The following GLDC variants were observed in gnomAD, a reference collection of about 807,000 sequenced individuals.
GLDC encodes glycine decarboxylase, also known as glycine dehydrogenase (decarboxylating), mitochondrial.
Under a neutral mutation model 121.3 loss-of-function variants are expected in GLDC, and 104 were observed. The ratio of observed to expected loss-of-function variants is 0.86; its 90% CI spans 0.73 to 1.01. The LOEUF is 1.01. Among genes scored for constraint, GLDC ranks in the 50% least tolerant of loss-of-function variants. The pLI is 0.00. For synonymous variants in GLDC, 546 were observed against 480.6 expected, an observed-to-expected ratio of 1.14 and a Z score of -1.78; for missense variants, 1,429 against 1,306.6, an observed-to-expected ratio of 1.09 and a Z score of -1.44.
intron 2 of GLDC, among the ~76,000 whole-genome samples, chr9:6,622,051 A>G (rs1234840486): frequency 1.3e-5 from 2 of 152,152 alleles, no homozygotes; most frequent in African/African-American, 2.4e-5. Flanking sequence ...CAAACTGGCA[A>G]GGAAGACACT....
At chr9:6,598,623 C>T (rs188489263) in intron 8 of GLDC, among the ~76,000 whole-genome samples, 1 of 152,202 alleles carries the variant, frequency 6.6e-6, no homozygotes, top group Admixed American at 6.5e-5. Flanking sequence ...CCTAACAAAA[C>T]AGGGAGACTT....
intron 15 of GLDC, among the ~76,000 whole-genome samples, chr9:6,582,646 G>A (rs1463307749): frequency 2.0e-5 from 3 of 151,984 alleles, no homozygotes; most frequent in South Asian, 2.1e-4. Context: ...TGGCTAACAC[G>A]GTGAAACCCT....
intron 21 of GLDC, among the ~76,000 whole-genome samples, chr9:6,544,959 C>T (rs1229615638): frequency 6.6e-6 from 1 of 152,022 alleles, no homozygotes; most frequent in Non-Finnish European, 1.5e-5. Flanking sequence ...GTTAGCCAGG[C>T]ATGGTGGTGC....
chr9:6,609,760 G>T (rs975661664), intron 4 of GLDC, among the ~76,000 whole-genome samples: 4 of 151,870 alleles, frequency 2.6e-5, no homozygotes, highest in Non-Finnish European at 5.9e-5. Context: ...TCACTGCCCT[G>T]CCTTGAGAGA....
At chr9:6,598,957 G>GTCA (rs1467812249) in intron 8 of GLDC, among the ~76,000 whole-genome samples, 5 of 152,122 alleles carry the variant, frequency 3.3e-5, no homozygotes. Flanking sequence ...AAGGCGGGCG[G>GTCA]ATCACCTGAG....
At position 6,629,148 on chromosome 9, in the gene GLDC, C is replaced by T. The variant is rs546727029; in HGVS notation, c.335-8829G>A. On this transcript the variant is annotated intron_variant, in intron 2 of 24. Transcript: ENST00000321612. Reference sequence around the variant, plus strand: ...TTTGCCACTGCGCCTAAAATAGCAACAGTTTTGCACTAACCACTGCATCAA... The same window carrying T: ...TTTGCCACTGCGCCTAAAATAGCAATAGTTTTGCACTAACCACTGCATCAA... 1.3e-4 allele frequency among the ~76,000 whole-genome samples: 20 copies of T among 151,942 alleles called. No homozygotes were observed. In the South Asian group the frequency reaches 4.0e-3, roughly 30 times the overall value.
At chr9:6,535,385 C>A (rs1195676003) in intron 23 of GLDC, among the ~76,000 whole-genome samples, 2 of 151,292 alleles carry the variant, frequency 1.3e-5, no homozygotes, top group Non-Finnish European at 2.9e-5. Context: ...GTGAACTCAC[C>A]TCTAGAGAGG....
chr9:6,540,104 T>C lies in GLDC; in HGVS notation c.2612A>G (p.Lys871Arg), dbSNP rs766244892. The C allele has an allele frequency of 5.8e-5, 94 of 1,613,456 alleles. No homozygotes were observed. Among genetic ancestry groups the C allele is most frequent in the Non-Finnish European group, 7.7e-5 (91 of 1,179,500 alleles). ...HEFILDTRPF[K>R]KSANIEAVDV... ...CACAGCCTCAATATTTGCAGACTTT[T>C]TGAAGGGTCTCGTGTCCAAAATAAA... is the stretch of plus-strand genomic sequence containing the variant. The change falls in exon 22 of 25, where the codon AAA becomes AGA. Residue 871 changes from lysine (K) to arginine (R), a missense_variant. Transcript: ENST00000321612.
chr9:6,626,285 TC>T (rs1246532706), intron 2 of GLDC, among the ~76,000 whole-genome samples: 1 of 152,032 alleles, frequency 6.6e-6, no homozygotes, highest in African/African-American at 2.4e-5. Context: ...AAGGCTAGGA[TC>T]CCAGGAAGGG....
chr9:6,624,064 T>C (rs1335356434), intron 2 of GLDC, among the ~76,000 whole-genome samples: 2 of 152,216 alleles, frequency 1.3e-5, no homozygotes, highest in East Asian at 3.8e-4. Context: ...CTGGATAGTA[T>C]GATTCTTTTT....
At chr9:6,634,223 T>C (rs930768854) in intron 2 of GLDC, among the ~76,000 whole-genome samples, 6 of 151,552 alleles carry the variant, frequency 4.0e-5, no homozygotes, top group African/African-American at 1.2e-4. Context: ...TAAGACTCTG[T>C]CTCAAAAAGA....
At chr9:6,636,821 T>C (rs2890722) in intron 2 of GLDC, among the ~76,000 whole-genome samples, 92,092 of 151,924 alleles carry the variant, frequency 0.61, 29,558 homozygotes, top group African/African-American at 0.81. Context: ...CAGTGGCTCA[T>C]GACTGTAATC....
At chr9:6,643,070 G>C (rs1014341516) in intron 2 of GLDC, among the ~76,000 whole-genome samples, 15 of 151,876 alleles carry the variant, frequency 9.9e-5, no homozygotes, top group Admixed American at 5.9e-4. Flanking sequence ...GCTAATTTTT[G>C]TATTTTTTGT....
chr9:6,609,557 C>A (rs1228423501), intron 4 of GLDC, among the ~76,000 whole-genome samples: 14 of 152,044 alleles, frequency 9.2e-5, no homozygotes, highest in Admixed American at 8.5e-4. Context: ...GGCACTCAGT[C>A]ATGTGTGTGT....
chr9:6,550,061 T>G (rs1817479866), intron 21 of GLDC, among the ~76,000 whole-genome samples: 1 of 152,206 alleles, frequency 6.6e-6, no homozygotes, highest in Non-Finnish European at 1.5e-5. Context: ...CTCCTGTGTC[T>G]CTGCTTACTC....
chr9:6,594,149 T>C (rs1411777669), intron 9 of GLDC, among the ~76,000 whole-genome samples: 1 of 152,176 alleles, frequency 6.6e-6, no homozygotes, highest in African/African-American at 2.4e-5. Context: ...ATTCTTCTGA[T>C]TGCCAATGTA....
At chr9:6,641,612 T>G (rs1209016064) in intron 2 of GLDC, among the ~76,000 whole-genome samples, 1 of 152,220 alleles carries the variant, frequency 6.6e-6, no homozygotes, top group Non-Finnish European at 1.5e-5. Context: ...TATCACGGTT[T>G]CTTCATTTTT....
chr9:6,605,803 A>G (rs1490636829), intron 5 of GLDC: 2 of 217,546 alleles, frequency 9.2e-6, no homozygotes, highest in African/African-American at 4.6e-5. Context: ...GGTTGTTGCG[A>G]GGATTGTTTT....
intron 3 of GLDC, among the ~76,000 whole-genome samples, chr9:6,614,300 T>C (rs1818925278): frequency 1.3e-5 from 2 of 152,166 alleles, no homozygotes; most frequent in African/African-American, 4.8e-5. Flanking sequence ...AGTGGCCTGA[T>C]CTTGGCTCGC....
Sources: allele counts gnomAD v4.1 joint callset (sites outside exome capture counted in the v4.1 genomes callset), GRCh38; gene constraint gnomAD v4.1.1; transcripts MANE v1.5; gene names NCBI Gene and HGNC (gene_info 2026-07-23, HGNC 2026-07-21).